Variants in KPNA7 observed in about 807,000 individuals in gnomAD.
The protein encoded by KPNA7 is karyopherin subunit alpha 7.
In KPNA7, 54 loss-of-function variants were observed where a neutral mutation model predicts 53.7. The ratio of observed to expected loss-of-function variants is 1.01; its 90% CI spans 0.81 to 1.26. The LOEUF (loss-of-function observed/expected upper bound fraction) is 1.26. Among genes scored for constraint, KPNA7 ranks in the 50% most tolerant of loss-of-function variants. The pLI, the probability that KPNA7 is intolerant of heterozygous loss-of-function variation, is 0.00. For synonymous variants in KPNA7, 276 were observed against 259.3 expected, an observed-to-expected ratio of 1.06 and a Z score of -0.62; for missense variants, 640 against 644.5, an observed-to-expected ratio of 0.99 and a Z score of 0.07.
chr7:99,208,507 C>T (rs1184998517), upstream of KPNA7, among the ~76,000 whole-genome samples: 1 of 152,108 alleles, frequency 6.6e-6, no homozygotes, highest in Non-Finnish European at 1.5e-5. Context: ...CCACCCACCT[C>T]GGCCTCCCAA....
At chr7:99,196,230 C>G (rs1790224938) in intron 3 of KPNA7, 64 bp from the exon 4 acceptor site, 1 of 1,138,240 alleles carries the variant, frequency 8.8e-7, no homozygotes, top group Non-Finnish European at 1.3e-6. Flanking sequence ...ATCACCTACT[C>G]TAGCCATCAT....
upstream of KPNA7, among the ~76,000 whole-genome samples, chr7:99,212,233 C>CTTT (rs34555248): frequency 5.5e-4 from 26 of 47,216 alleles, no homozygotes; most frequent in African/African-American, 1.9e-3. Flanking sequence ...CACATGTGTC[C>CTTT]TTTTTTTTTT....
At chr7:99,213,299 T>G (rs986956970) in intron 1 of KPNA7, among the ~76,000 whole-genome samples, 9 of 151,572 alleles carry the variant, frequency 5.9e-5, no homozygotes, top group Non-Finnish European at 1.3e-4. Context: ...CCAGCTAACT[T>G]TTGTATTTTT....
the KPNA7 span, among the ~76,000 whole-genome samples, chr7:99,163,675 C>G: frequency 6.6e-6 from 1 of 151,764 alleles, no homozygotes; most frequent in Non-Finnish European, 1.5e-5. Context: ...GTATAAGCCA[C>G]CACGCCTGGC....
At chr7:99,179,386 G>A (rs755181767) in intron 9 of KPNA7, among the ~76,000 whole-genome samples, 2 of 151,010 alleles carry the variant, frequency 1.3e-5, no homozygotes, top group African/African-American at 2.5e-5. Flanking sequence ...GCAAGACCCT[G>A]TCTCTGCTAA....
At chr7:99,211,444 GAC>G (rs1791069352), upstream of KPNA7, among the ~76,000 whole-genome samples, 1 of 152,138 alleles carries the variant, frequency 6.6e-6, no homozygotes, top group African/African-American at 2.4e-5. Context: ...TTAGGGCCAA[GAC>G]TGATGTTGTA....
At chr7:99,204,102 G>T (rs1790680102) in intron 2 of KPNA7, among the ~76,000 whole-genome samples, 1 of 152,126 alleles carries the variant, frequency 6.6e-6, no homozygotes, top group Non-Finnish European at 1.5e-5. Flanking sequence ...AAACAAGGCT[G>T]GGCATGGTAT....
At chr7:99,210,746 G>A (rs1791046116), upstream of KPNA7, among the ~76,000 whole-genome samples, 1 of 151,868 alleles carries the variant, frequency 6.6e-6, no homozygotes, top group Admixed American at 6.6e-5. Flanking sequence ...AAGTCACCAA[G>A]GCTGGCTAAT....
intron 4 of KPNA7, 145 bp downstream of exon 4, chr7:99,195,938 CG>C: frequency 1.5e-6 from 1 of 645,348 alleles, no homozygotes; most frequent in South Asian, 1.9e-5. Context: ...ATAGCAATTT[CG>C]TCTTTTAGAT....
chr7:99,172,612 ACT>A (rs778173540), downstream of KPNA7, among the ~76,000 whole-genome samples: 5 of 151,974 alleles, frequency 3.3e-5, no homozygotes, highest in African/African-American at 4.8e-5. Flanking sequence ...ACACACACGC[ACT>A]CTCTTTCTTT....
chr7:99,154,353 T>C, the KPNA7 span, among the ~76,000 whole-genome samples: 1 of 152,088 alleles, frequency 6.6e-6, no homozygotes, highest in Non-Finnish European at 1.5e-5. Context: ...GGTCTTGAAC[T>C]CTTGACCTCA....
chr7:99,163,564 T>G, the KPNA7 span, among the ~76,000 whole-genome samples: 2 of 150,394 alleles, frequency 1.3e-5, no homozygotes, highest in Admixed American at 1.3e-4. Flanking sequence ...AATTTTTTAT[T>G]TTTATAGAGA....
At chr7:99,184,902 G>A (rs780188365) in intron 8 of KPNA7, 27 bp downstream of exon 8, 3 of 1,535,056 alleles carry the variant, frequency 2.0e-6, no homozygotes, top group African/African-American at 1.4e-5. Context: ...GTAGTCCTTT[G>A]CCATGGTTGC....
rs950674515 is a variant in KPNA7, at chr7:99,185,307, G to T, written c.901-145C>A. On this transcript the variant is annotated intron_variant, in intron 7 of 10. Transcript: ENST00000327442. ...GCCTGTGAACAGGAATTGTATCTGT[G>T]ATCATTATTCAATTCATCCATGGCC... 12 of 644,714 alleles carry T rather than the reference G, an allele frequency of 1.9e-5. No individual in the cohort carries two copies. The African/African-American group carries it at 2.2e-4, about 12-fold the overall frequency. 39.9% of individuals were successfully genotyped at this position (644,714 alleles called of 1,614,324 possible). A position where few individuals can be genotyped will look rare whatever the true frequency, so the allele number is the denominator to read the frequency against.
chr7:99,193,177 G>T, intron 5 of KPNA7, 76 bp from the exon 6 acceptor site: 1 of 873,650 alleles, frequency 1.1e-6, no homozygotes, highest in Non-Finnish European at 1.7e-6. Flanking sequence ...TTTTTTAAGA[G>T]TGTGCAAAGG....
intron 3 of KPNA7, among the ~76,000 whole-genome samples, chr7:99,197,605 T>C (rs1033935018): frequency 6.6e-6 from 1 of 152,104 alleles, no homozygotes; most frequent in African/African-American, 2.4e-5. Flanking sequence ...TCACACTAAA[T>C]AGAGAATATC....
chr7:99,196,188 G>A, intron 3 of KPNA7, 22 bp from the exon 4 acceptor site: 1 of 1,529,878 alleles, frequency 6.5e-7, no homozygotes, highest in East Asian at 2.5e-5. Context: ...GACACATTCA[G>A]GTCAGACTGT....
intron 8 of KPNA7, among the ~76,000 whole-genome samples, chr7:99,183,786 A>C (rs1789416232): frequency 6.6e-6 from 1 of 152,198 alleles, no homozygotes; most frequent in African/African-American, 2.4e-5. Flanking sequence ...CAAAAAGAAA[A>C]ATGCCAAGGA....
chr7:99,150,356 C>G, the KPNA7 span, among the ~76,000 whole-genome samples: 7 of 151,574 alleles, frequency 4.6e-5, no homozygotes, highest in African/African-American at 1.7e-4. Context: ...TGGGCCGCCC[C>G]CTAAAGTGCT....
Sources: gnomAD v4.1 joint callset for allele counts (sites outside exome capture counted in the v4.1 genomes callset) on GRCh38, gnomAD v4.1.1 for gene constraint, MANE v1.5 for transcripts, NCBI Gene and HGNC (gene_info 2026-07-23, HGNC 2026-07-21) for gene names.